The following THNSL1 variants were observed in gnomAD, a reference collection of about 807,000 sequenced individuals.
The protein encoded by THNSL1 is threonine synthase-like 1.
THNSL1 carries 48 observed loss-of-function variants against 50.4 expected under a neutral mutation model. That is an observed-to-expected ratio of 0.95 (90% CI 0.76 to 1.21). The LOEUF is 1.21. THNSL1 is among the 50% of genes most tolerant of loss of function. THNSL1 has a pLI of 0.00. For missense variants in THNSL1, 896 were observed against 871.7 expected, an observed-to-expected ratio of 1.03 and a Z score of -0.35; for synonymous variants, 309 against 306.1, an observed-to-expected ratio of 1.01 and a Z score of -0.10.
chr10:24,978,716 T>G, the THNSL1 span, among the ~76,000 whole-genome samples: 1 of 152,184 alleles, frequency 6.6e-6, no homozygotes, highest in Non-Finnish European at 1.5e-5. Context: ...TATGTGTTGG[T>G]GCAAATCATT....
chr10:24,995,031 T>C, the THNSL1 span, among the ~76,000 whole-genome samples: 4 of 152,128 alleles, frequency 2.6e-5, no homozygotes, highest in Non-Finnish European at 5.9e-5. Flanking sequence ...AAAAAAAATC[T>C]ATATTTAAAC....
At chr10:24,973,564 A>G in the THNSL1 span, among the ~76,000 whole-genome samples, 1 of 152,312 alleles carries the variant, frequency 6.6e-6, no homozygotes, top group South Asian at 2.1e-4. Flanking sequence ...CAGGAGGACT[A>G]CTGTACCACT....
chr10:25,012,325 T>A (rs965454543), upstream of THNSL1, among the ~76,000 whole-genome samples: 1 of 152,226 alleles, frequency 6.6e-6, no homozygotes, highest in Non-Finnish European at 1.5e-5. Context: ...GGGCACTGCC[T>A]AGTGGAGCTG....
At chr10:24,962,126 C>G in the THNSL1 span, among the ~76,000 whole-genome samples, 6 of 152,108 alleles carry the variant, frequency 3.9e-5, no homozygotes, top group Non-Finnish European at 8.8e-5. Flanking sequence ...AAAAATAAAC[C>G]TACAATCTGT....
the THNSL1 span, among the ~76,000 whole-genome samples, chr10:24,981,607 C>T: frequency 6.6e-6 from 1 of 152,276 alleles, no homozygotes; most frequent in Non-Finnish European, 1.5e-5. Flanking sequence ...GAATTGAGAG[C>T]TCTTAATAAT....
chr10:24,993,792 C>T, the THNSL1 span, among the ~76,000 whole-genome samples: 1 of 152,128 alleles, frequency 6.6e-6, no homozygotes, highest in East Asian at 1.9e-4. Flanking sequence ...TCCAAATTTC[C>T]TGTTGAAGGT....
rs764417484 is a variant in THNSL1 at position 25,023,798 on chromosome 10, A to G, written c.575A>G (p.Tyr192Cys). ...GACTTACTTAAATTTAGAAGACAGT[A>G]TTATAAGAAGTGGTATGATGCTCGT... The part of the protein sequence containing the change: ...MKDLLKFRRQ[Y>C]YKKWYDARVF... Residue 192 changes from tyrosine to cysteine, a missense_variant, in exon 3 of 3, where the codon TAT becomes TGT. Tyr to Cys is a radical substitution (Grantham distance 194, BLOSUM62 -2). Coordinates refer to ENST00000376356, the MANE Select transcript of THNSL1 (RefSeq NM_024838.5). 2.8e-5 allele frequency: 45 copies of G among 1,614,210 alleles called. No individual in the cohort carries two copies. The highest frequency in any genetic ancestry group is 3.7e-5 in the Non-Finnish European group (44 of 1,180,024).
chr10:24,973,723 G>GT, the THNSL1 span, among the ~76,000 whole-genome samples: 5 of 151,240 alleles, frequency 3.3e-5, no homozygotes, highest in African/African-American at 7.3e-5. Context: ...ATTGTTAGAG[G>GT]TTTTTTTTTC....
chr10:24,973,391 G>T, the THNSL1 span, among the ~76,000 whole-genome samples: 2 of 150,752 alleles, frequency 1.3e-5, no homozygotes, highest in African/African-American at 4.9e-5. Context: ...GACAATTCAG[G>T]TCCAGGTGGG....
At chr10:24,999,790 A>C in the THNSL1 span, among the ~76,000 whole-genome samples, 8 of 152,130 alleles carry the variant, frequency 5.3e-5, no homozygotes, top group Non-Finnish European at 1.0e-4. Context: ...TATCCTTTGA[A>C]CATCTGTAGC....
intron 1 of THNSL1, among the ~76,000 whole-genome samples, chr10:25,018,659 GTTTTT>G (rs374289213): frequency 1.1e-5 from 1 of 93,714 alleles, no homozygotes; most frequent in Non-Finnish European, 2.2e-5. Flanking sequence ...AATGAGAGTT[GTTTTT>G]TTTTTTTTTT....
the THNSL1 span, chr10:24,995,885 T>C: frequency 1.3e-6 from 2 of 1,584,178 alleles, no homozygotes; most frequent in Non-Finnish European, 1.7e-6. Context: ...AAATATAACA[T>C]TTCTTTGTTA....
At chr10:25,018,673 T>C (rs1018082809) in intron 1 of THNSL1, among the ~76,000 whole-genome samples, 2 of 151,458 alleles carry the variant, frequency 1.3e-5, no homozygotes, top group Non-Finnish European at 2.9e-5. Context: ...TTTTTTTTTT[T>C]TTTTTTGCGA....
chr10:24,963,775 G>A, the THNSL1 span, among the ~76,000 whole-genome samples: 4 of 152,208 alleles, frequency 2.6e-5, no homozygotes, highest in South Asian at 2.1e-4. Context: ...AAATAAAAAC[G>A]GTAGAAATAA....
chr10:24,981,294 C>T, the THNSL1 span, among the ~76,000 whole-genome samples: 18 of 152,176 alleles, frequency 1.2e-4, no homozygotes, highest in Non-Finnish European at 2.5e-4. Flanking sequence ...ACCTTGCAGA[C>T]CTTTCTCCTC....
the THNSL1 span, among the ~76,000 whole-genome samples, chr10:25,001,439 A>G: frequency 6.6e-6 from 1 of 151,968 alleles, no homozygotes; most frequent in Non-Finnish European, 1.5e-5. Flanking sequence ...CAAATTTGAC[A>G]ATTTTTTTAC....
At chr10:24,952,585 G>C in the THNSL1 span, 1 of 1,582,774 alleles carries the variant, frequency 6.3e-7, no homozygotes, top group Non-Finnish European at 8.6e-7. This position sits in a 1 kb window ranked among gnomAD's most constrained non-coding sequence, Gnocchi z 5.1. Flanking sequence ...TGTTTCTCCC[G>C]GGGAACGCGG....
At chr10:24,991,619 T>C in the THNSL1 span, among the ~76,000 whole-genome samples, 8 of 152,128 alleles carry the variant, frequency 5.3e-5, no homozygotes, top group African/African-American at 1.7e-4. Flanking sequence ...GCTGCCCGGC[T>C]CCAGGGAAAA....
At chr10:24,954,131 A>G in the THNSL1 span, among the ~76,000 whole-genome samples, 1 of 152,194 alleles carries the variant, frequency 6.6e-6, no homozygotes, top group Admixed American at 6.5e-5. Context: ...CAGGCCCAGG[A>G]ACCATATTCA....
Sources: gnomAD v4.1 joint callset for allele counts (sites outside exome capture counted in the v4.1 genomes callset) on GRCh38, gnomAD v4.1.1 for gene constraint, Gnocchi (gnomAD v3.1) non-coding constraint, MANE v1.5 for transcripts, NCBI Gene and HGNC (gene_info 2026-07-23, HGNC 2026-07-21) for gene names.